The following FYN variants were observed in gnomAD, a reference collection of about 807,000 sequenced individuals.
FYN encodes the protein FYN proto-oncogene, Src family tyrosine kinase.
A neutral mutation model predicts 70.2 loss-of-function variants in FYN; 10 were observed. The ratio of observed to expected loss-of-function variants is 0.14; its 90% CI spans 0.09 to 0.24. FYN has a LOEUF of 0.24. Ranked by LOEUF, FYN falls within the 10% of genes least tolerant of loss-of-function variation. The pLI is 1.00. For missense variants in FYN, 319 were observed against 673.1 expected (o/e 0.47, Z 5.82); for synonymous variants, 236 against 248.6 (o/e 0.95, Z 0.48).
intron 2 of FYN, among the ~76,000 whole-genome samples, chr6:111,810,583 GTTCCT>G (rs1442458100): frequency 3.3e-5 from 5 of 152,190 alleles, no homozygotes; most frequent in Non-Finnish European, 7.3e-5. Flanking sequence ...TTATGTTCAT[GTTCCT>G]TTCAAGTTAA....
chr6:111,822,211 T>C (rs1772686603), intron 2 of FYN, among the ~76,000 whole-genome samples: 1 of 152,168 alleles, frequency 6.6e-6, no homozygotes, highest in African/African-American at 2.4e-5. Context: ...TTCACAATAG[T>C]AAAGAGTTGG....
chr6:111,693,437 T>G (rs1185895944), intron 12 of FYN, among the ~76,000 whole-genome samples: 1 of 152,144 alleles, frequency 6.6e-6, no homozygotes, highest in Admixed American at 6.5e-5. Context: ...TATACTCGAT[T>G]GCAAACCACA....
At chr6:111,762,037 G>C (rs1803029423) in intron 3 of FYN, among the ~76,000 whole-genome samples, 1 of 152,184 alleles carries the variant, frequency 6.6e-6, no homozygotes, top group Non-Finnish European at 1.5e-5. Flanking sequence ...AGAAGGAACA[G>C]CTTCAACACG....
intron 13 of FYN, among the ~76,000 whole-genome samples, chr6:111,673,619 A>ATCGTTTTTTTTTTTTT (rs1554272175): frequency 3.1e-5 from 2 of 65,010 alleles, no homozygotes; most frequent in Admixed American, 2.1e-4. Flanking sequence ...CGTTTCTATC[A>ATCGTTTTTTTTTTTTT]TTGTTTTTTT....
At chr6:111,804,086 C>T (rs1238601605) in intron 2 of FYN, among the ~76,000 whole-genome samples, 1 of 152,134 alleles carries the variant, frequency 6.6e-6, no homozygotes, top group Non-Finnish European at 1.5e-5. Flanking sequence ...TGCTGAAACC[C>T]ACAGTTTACA....
chr6:111,850,137 A>C (rs1171376585), intron 1 of FYN, among the ~76,000 whole-genome samples: 1 of 152,230 alleles, frequency 6.6e-6, no homozygotes, highest in East Asian at 1.9e-4. Flanking sequence ...GATTCAATAC[A>C]TTAGGGTCAT....
At chr6:111,752,125 G>T (rs1379549873) in intron 3 of FYN, among the ~76,000 whole-genome samples, 2 of 152,196 alleles carry the variant, frequency 1.3e-5, no homozygotes, top group Non-Finnish European at 2.9e-5. Flanking sequence ...GTGGAGTGGT[G>T]CTAGACAAAT....
At chr6:111,829,446 T>G (rs957421546) in intron 2 of FYN, among the ~76,000 whole-genome samples, 7 of 152,234 alleles carry the variant, frequency 4.6e-5, no homozygotes, top group Non-Finnish European at 8.8e-5. Flanking sequence ...TTAGTAAGTA[T>G]GTACTAATGC....
At chr6:111,753,124 A>G (rs1802560869) in intron 3 of FYN, among the ~76,000 whole-genome samples, 1 of 152,234 alleles carries the variant, frequency 6.6e-6, no homozygotes, top group South Asian at 2.1e-4. Context: ...GTGTCAAGGC[A>G]TGATATATGA....
At chr6:111,678,257 T>C (rs565583253) in intron 12 of FYN, among the ~76,000 whole-genome samples, 4 of 152,128 alleles carry the variant, frequency 2.6e-5, no homozygotes, top group Admixed American at 2.6e-4. Context: ...CGACTTGTCA[T>C]TGTGAAAACT....
At chr6:111,864,047 G>A (rs1774037144) in intron 1 of FYN, among the ~76,000 whole-genome samples, 1 of 152,154 alleles carries the variant, frequency 6.6e-6, no homozygotes, top group Non-Finnish European at 1.5e-5. Flanking sequence ...GAGGCCTGGG[G>A]ATATGCATTC....
At chr6:111,721,977 C>T (rs1324677604) in intron 3 of FYN, among the ~76,000 whole-genome samples, 1 of 152,070 alleles carries the variant, frequency 6.6e-6, no homozygotes, top group Non-Finnish European at 1.5e-5. Flanking sequence ...ACAGCTGGCA[C>T]AGGATGGGAA....
At chr6:111,710,183 G>C (rs1483984499) in intron 5 of FYN, among the ~76,000 whole-genome samples, 1 of 152,148 alleles carries the variant, frequency 6.6e-6, no homozygotes, top group Non-Finnish European at 1.5e-5. Context: ...GCTTGTAGCA[G>C]AGGCTTATTG....
intron 2 of FYN, among the ~76,000 whole-genome samples, chr6:111,794,901 T>C (rs982535901): frequency 6.6e-6 from 1 of 152,196 alleles, no homozygotes; most frequent in Non-Finnish European, 1.5e-5. Flanking sequence ...CTTACTGTTT[T>C]GTGCCTCTGG....
intron 5 of FYN, among the ~76,000 whole-genome samples, chr6:111,713,810 T>G (rs528490983): frequency 6.6e-6 from 1 of 152,330 alleles, no homozygotes; most frequent in Admixed American, 6.5e-5. Flanking sequence ...AAATCACTTC[T>G]TCTAGCTCCA....
intron 12 of FYN, among the ~76,000 whole-genome samples, chr6:111,678,514 T>C (rs774923776): frequency 1.3e-5 from 2 of 152,196 alleles, no homozygotes; most frequent in Non-Finnish European, 2.9e-5. Context: ...TCAGGGATCT[T>C]ATTCAATCCC....
chr6:111,797,626 T>C (rs1778831526), intron 2 of FYN, among the ~76,000 whole-genome samples: 1 of 141,124 alleles, frequency 7.1e-6, no homozygotes, highest in Admixed American at 7.5e-5. Context: ...CACAACTTAA[T>C]ATTAAATGAA....
chr6:111,852,422 C>T (rs540173840), intron 1 of FYN, among the ~76,000 whole-genome samples: 1 of 152,170 alleles, frequency 6.6e-6, no homozygotes, highest in East Asian at 1.9e-4. Flanking sequence ...TAACAAACAC[C>T]GTGTGGAGAC....
At chr6:111,870,937 C>T (rs1320726612) in intron 1 of FYN, among the ~76,000 whole-genome samples, 1 of 152,198 alleles carries the variant, frequency 6.6e-6, no homozygotes, top group African/African-American at 2.4e-5. Context: ...TTACAGTACA[C>T]TCATTAACCC....
Sources: allele counts gnomAD v4.1 joint callset (sites outside exome capture counted in the v4.1 genomes callset), GRCh38; gene constraint gnomAD v4.1.1; transcripts MANE v1.5; gene names NCBI Gene and HGNC (gene_info 2026-07-23, HGNC 2026-07-21).